The following ATR variants were observed in gnomAD, a reference collection of about 807,000 sequenced individuals.
The protein encoded by ATR is serine/threonine-protein kinase ATR.
In ATR, 142 loss-of-function variants were observed where a neutral mutation model predicts 305.3. That is an observed-to-expected ratio of 0.47 (90% confidence interval 0.41 to 0.53). ATR has a LOEUF of 0.53. ATR is among the 20% of genes least tolerant of loss of function. ATR has a pLI of 0.00. For missense variants in ATR, 2,135 were observed against 3,133.1 expected (o/e 0.68, Z 7.60); for synonymous variants, 1,050 against 1,068.1 (o/e 0.98, Z 0.33).
Position 142,458,940 on chromosome 3 carries a change from G to C in ATR, c.7503+18C>G, listed in dbSNP as rs1305145576. 1.9e-6 allele frequency: 3 copies of C among 1,611,828 alleles called. No homozygotes were observed. The highest frequency in any genetic ancestry group is 1.6e-4 in the Middle Eastern group (1 of 6,076). On this transcript the variant is annotated intron_variant, in intron 44 of 46. Transcript: ENST00000350721. ...TTGAGAGAAAACACAATTAGTAAGA[G>C]TAACTCATATCACATACCTTATTGA...
chr3:142,473,267 A>G (rs2071339287), intron 36 of ATR, among the ~76,000 whole-genome samples: 1 of 152,056 alleles, frequency 6.6e-6, no homozygotes, highest in Non-Finnish European at 1.5e-5. Flanking sequence ...TTTTGAGTTG[A>G]TTTTTGTATA....
chr3:142,469,969 A>G, intron 37 of ATR, 117 bp downstream of exon 37: 1 of 779,120 alleles, frequency 1.3e-6, no homozygotes, highest in South Asian at 1.7e-5. Flanking sequence ...CTTACATAAT[A>G]TCTTAATTAT....
In ATR at chr3:142,550,130, A is replaced by AAGTTG; in HGVS notation, c.2976+1_2976+2insCAACT. ...TCAAGTGAACTATATGTTGCAACTT[A>AAGTTG]CAGTAAGAAAACGATTAAGATCAGG... On this transcript the variant is annotated splice_donor_variant, in intron 14 of 46. Transcript: ENST00000350721. LOFTEE classifies it high-confidence loss of function. 6.2e-7 allele frequency: 1 copy of AAGTTG among 1,614,102 alleles called. No homozygotes were observed. Among genetic ancestry groups the AAGTTG allele is most frequent in the Non-Finnish European group, 8.5e-7 (1 of 1,179,964 alleles).
chr3:142,482,240 A>C (rs1368147376), intron 36 of ATR, among the ~76,000 whole-genome samples: 1 of 152,216 alleles, frequency 6.6e-6, no homozygotes, highest in East Asian at 1.9e-4. Flanking sequence ...ATTGATATTT[A>C]ATCAGTAATA....
chr3:142,470,942 C>T (rs1468495294), intron 36 of ATR, among the ~76,000 whole-genome samples: 4 of 152,122 alleles, frequency 2.6e-5, no homozygotes, highest in Admixed American at 6.5e-5. Flanking sequence ...ACATACATAA[C>T]ATAAAATTTG....
chr3:142,501,685 T>C (rs1163643014), intron 30 of ATR, among the ~76,000 whole-genome samples: 1 of 152,102 alleles, frequency 6.6e-6, no homozygotes, highest in Non-Finnish European at 1.5e-5. Context: ...TCACAATTAT[T>C]TGAGAAATGA....
At chr3:142,549,740 T>C in intron 14 of ATR, 67 bp from the exon 15 acceptor site, 1 of 1,450,504 alleles carries the variant, frequency 6.9e-7, no homozygotes, top group Non-Finnish European at 9.6e-7. Context: ...TCACATAAGC[T>C]ATGTGCAAAA....
intron 36 of ATR, among the ~76,000 whole-genome samples, chr3:142,475,082 CAT>C (rs1219176819): frequency 1.3e-5 from 2 of 152,090 alleles, no homozygotes; most frequent in East Asian, 1.9e-4. Context: ...AACTTATATA[CAT>C]GTTATGTTTT....
chr3:142,529,980 G>T (rs934959656), intron 21 of ATR, among the ~76,000 whole-genome samples: 4 of 151,914 alleles, frequency 2.6e-5, no homozygotes, highest in Non-Finnish European at 4.4e-5. Flanking sequence ...AGCTTTCTTG[G>T]ATTATAATTT....
At chr3:142,470,508 T>G (rs566093441) in intron 36 of ATR, among the ~76,000 whole-genome samples, 1 of 152,280 alleles carries the variant, frequency 6.6e-6, no homozygotes, top group African/African-American at 2.4e-5. Context: ...TTTGCATTCT[T>G]TGGCCATAAG....
intron 46 of ATR, chr3:142,451,567 C>A: frequency 7.6e-7 from 1 of 1,321,428 alleles, no homozygotes; most frequent in South Asian, 1.3e-5. Flanking sequence ...CTGTATGCTT[C>A]ATCCCAGCAG....
chr3:142,507,842 T>C (rs1368827151), intron 28 of ATR, 89 bp downstream of exon 28: 2 of 1,230,968 alleles, frequency 1.6e-6, no homozygotes, highest in South Asian at 2.6e-5. Context: ...AAGCATAGCA[T>C]ATAAAACATT....
At position 142,505,003 on chromosome 3, in the gene ATR, C is replaced by T. The variant is rs578000773; in HGVS notation, c.5196+136G>A. 9.8e-5 allele frequency: 103 copies of T among 1,055,648 alleles called. 3 individuals are homozygous for T. In the South Asian group the frequency reaches 1.0e-3, roughly 11 times the overall value. The allele number at this position is 1,055,648 out of a possible 1,614,324, so 65.4% of individuals were successfully genotyped here. A position where few individuals can be genotyped will look rare whatever the true frequency, so the allele number is the denominator to read the frequency against. ...AGGTTGCAGTGAGCCAAGATCATGC[C>T]ACTGCACTCCAGCCTGGCCAACAGA... On this transcript the variant is annotated intron_variant, in intron 29 of 46. Coordinates refer to ENST00000350721, the MANE Select transcript of ATR (RefSeq NM_001184.4).
chr3:142,529,700 G>A (rs2033561949), intron 21 of ATR, among the ~76,000 whole-genome samples: 1 of 151,998 alleles, frequency 6.6e-6, no homozygotes, highest in African/African-American at 2.4e-5. Context: ...ACTCTTTCTT[G>A]ACTCATACTT....
chr3:142,563,371 C>T (rs2034953702), intron 3 of ATR, among the ~76,000 whole-genome samples: 1 of 152,204 alleles, frequency 6.6e-6, no homozygotes, highest in Non-Finnish European at 1.5e-5. Flanking sequence ...TTTCCAATAG[C>T]ATGTGGTCAC....
In ATR at chr3:142,573,748, T is replaced by C. The variant is rs184865872; in HGVS notation, c.59+4898A>G. 1.8e-3 allele frequency among the ~76,000 whole-genome samples: 276 copies of C among 152,310 alleles called. 1 individual carries two copies. The highest frequency in any genetic ancestry group is 6.5e-3 in the African/African-American group (270 of 41,560). ...TATAAAAATTATTCATGAGATCTTT[T>C]ACATTCTTTTTTCTGGTACTAAGTC... On this transcript the variant is annotated intron_variant, in intron 1 of 46. Coordinates refer to ENST00000350721, the MANE Select transcript of ATR (RefSeq NM_001184.4).
At chr3:142,463,647 T>G (rs1054831564) in intron 41 of ATR, among the ~76,000 whole-genome samples, 2 of 152,176 alleles carry the variant, frequency 1.3e-5, no homozygotes, top group African/African-American at 2.4e-5. Context: ...TCTGCCCGCC[T>G]CAGCTGGGAT....
At chr3:142,551,268 T>C (rs1471978756) in intron 13 of ATR, among the ~76,000 whole-genome samples, 1 of 151,770 alleles carries the variant, frequency 6.6e-6, no homozygotes, top group Non-Finnish European at 1.5e-5. Context: ...TACAGATAAA[T>C]AAATAAAAAT....
At chr3:142,523,957 AGAACTC>A (rs755271439) in intron 22 of ATR, 30 bp downstream of exon 22, 1 of 1,586,716 alleles carries the variant, frequency 6.3e-7, no homozygotes, top group African/African-American at 1.3e-5. Context: ...AATAGGACAG[AGAACTC>A]TTTTGTCATT....
Sources: allele counts gnomAD v4.1 joint callset (sites outside exome capture counted in the v4.1 genomes callset), GRCh38; gene constraint gnomAD v4.1.1; transcripts MANE v1.5; gene names NCBI Gene and HGNC (gene_info 2026-07-23, HGNC 2026-07-21).